The following TEX9 variants were observed in gnomAD, a reference collection of about 807,000 sequenced individuals.
TEX9 encodes the protein testis expressed 9, also known as testis-expressed protein 9.
TEX9 carries 74 observed loss-of-function variants against 59.6 expected under a neutral mutation model. The ratio of observed to expected loss-of-function variants is 1.24; its 90% confidence interval spans 1.03 to 1.51. The LOEUF (loss-of-function observed/expected upper bound fraction) is 1.51, where lower values mean the gene tolerates loss of function less well. Among genes scored for constraint, TEX9 ranks in the 40% most tolerant of loss-of-function variants. The pLI is 0.00. For synonymous variants in TEX9, 186 were observed against 152.2 expected (o/e 1.22, Z -1.64); for missense variants, 522 against 447.8 (o/e 1.17, Z -1.49).
At chr15:56,414,988 C>G (rs2140171216) in intron 10 of TEX9, among the ~76,000 whole-genome samples, 1 of 151,498 alleles carries the variant, frequency 6.6e-6, no homozygotes, top group South Asian at 2.1e-4. Flanking sequence ...CTCTGATGAT[C>G]AGTGATATTG....
intron 7 of TEX9, among the ~76,000 whole-genome samples, chr15:56,393,285 G>A (rs2048303323): frequency 1.3e-5 from 2 of 152,160 alleles, no homozygotes; most frequent in Non-Finnish European, 2.9e-5. Flanking sequence ...TAGGAGAGTT[G>A]AGGCCAAAGA....
chr15:56,454,389 A>C, the TEX9 span, among the ~76,000 whole-genome samples: 5 of 151,876 alleles, frequency 3.3e-5, no homozygotes, highest in African/African-American at 4.8e-5. Context: ...TTAAATGTCC[A>C]GTGAAATTAT....
intron 1 of TEX9, among the ~76,000 whole-genome samples, chr15:56,254,034 G>C (rs1319685164): frequency 2.0e-5 from 3 of 152,118 alleles, no homozygotes; most frequent in Non-Finnish European, 2.9e-5. Flanking sequence ...TGTTTTGAAA[G>C]AGTTAATTCA....
chr15:56,293,852 T>C (rs2045156056), intron 1 of TEX9, among the ~76,000 whole-genome samples: 1 of 152,234 alleles, frequency 6.6e-6, no homozygotes, highest in Non-Finnish European at 1.5e-5. Context: ...CACATTTGGA[T>C]CCCTCCTGGA....
intron 10 of TEX9, among the ~76,000 whole-genome samples, chr15:56,422,404 T>C (rs887128156): frequency 5.3e-5 from 8 of 151,824 alleles, no homozygotes; most frequent in Admixed American, 2.0e-4. Context: ...TATGTTTTCT[T>C]TCCCTTCTTT....
the TEX9 span, among the ~76,000 whole-genome samples, chr15:56,460,009 A>AAAAAAAAAAAAAAATATATATATATATAT: frequency 3.0e-4 from 8 of 26,384 alleles, 1 homozygote; most frequent in Admixed American, 5.6e-4. Context: ...AAAAAAAAAA[A>AAAAAAAAAAAAAAATATATATATATATAT]ATACATATAT....
chr15:56,399,528 C>T (rs538510381), intron 9 of TEX9, among the ~76,000 whole-genome samples: 10 of 152,354 alleles, frequency 6.6e-5, no homozygotes, highest in Admixed American at 1.3e-4. Context: ...CCTCTGTAGG[C>T]AGGGCGTAGC....
chr15:56,365,288 G>A, upstream of TEX9: 5 of 891,072 alleles, frequency 5.6e-6, no homozygotes, highest in Middle Eastern at 3.5e-4. Flanking sequence ...AGCGCCGAGT[G>A]CTGCGAGCAA....
chr15:56,391,909 G>A (rs1217566337), intron 7 of TEX9, among the ~76,000 whole-genome samples: 2 of 152,042 alleles, frequency 1.3e-5, no homozygotes, highest in African/African-American at 4.8e-5. Flanking sequence ...GTGTTCTAAT[G>A]AATATAATTT....
intron 1 of TEX9, among the ~76,000 whole-genome samples, chr15:56,253,350 C>A (rs1441956019): frequency 6.6e-6 from 1 of 152,130 alleles, no homozygotes; most frequent in Non-Finnish European, 1.5e-5. Flanking sequence ...TCAGAGAGTC[C>A]TGGGAGTGTA....
At chr15:56,460,009 A>AAAAATAT in the TEX9 span, among the ~76,000 whole-genome samples, 15 of 26,388 alleles carry the variant, frequency 5.7e-4, 4 homozygotes, top group Non-Finnish European at 9.1e-4. Context: ...AAAAAAAAAA[A>AAAAATAT]ATACATATAT....
Position 56,266,671 on chromosome 15 carries a change from GT to G in TEX9, c.-107+22395del, listed in dbSNP as rs1456809991. Reference sequence around the variant, plus strand: ...GGACATGAAGTCATCCTTTTTTATGGTTGCATAGTATTCCATGGTGTATGTG... The same window carrying G: ...GGACATGAAGTCATCCTTTTTTATGGTGCATAGTATTCCATGGTGTATGTG... On this transcript the variant is annotated intron_variant, in intron 1 of 5. Coordinates refer to the TEX9 transcript ENST00000560827. Among the ~76,000 whole-genome samples the G allele has an allele frequency of 2.6e-4, 40 of 152,138 alleles. No individual in the cohort carries two copies. The South Asian group carries it at 8.3e-3, about 32-fold the overall frequency.
intron 1 of TEX9, among the ~76,000 whole-genome samples, chr15:56,350,206 C>T (rs745886915): frequency 3.3e-5 from 5 of 152,092 alleles, no homozygotes; most frequent in African/African-American, 4.8e-5. Context: ...TATTTTGTTG[C>T]TAAATATTAT....
intron 9 of TEX9, among the ~76,000 whole-genome samples, chr15:56,401,184 C>T (rs1398562049): frequency 5.3e-5 from 8 of 151,678 alleles, no homozygotes; most frequent in African/African-American, 1.9e-4. Context: ...GACACAGACT[C>T]GCAAATTGGA....
rs142266427 is a variant in TEX9, at chr15:56,423,080, G to A, written c.964-4525G>A. 2.6e-3 allele frequency among the ~76,000 whole-genome samples: 394 copies of A among 152,118 alleles called. 3 individuals carry two copies. The highest frequency in any genetic ancestry group is 9.0e-3 in the African/African-American group (375 of 41,504). On this transcript the variant is annotated intron_variant, in intron 10 of 12. Coordinates refer to ENST00000352903, the Ensembl canonical transcript of TEX9. ...AGTTGAGCTGCTTCCCAACCTTTTGGCTAGTATGAGTTGCACTGCTTTGAA... is the reference window on the plus strand; with the variant it reads ...AGTTGAGCTGCTTCCCAACCTTTTGACTAGTATGAGTTGCACTGCTTTGAA...
intron 10 of TEX9, among the ~76,000 whole-genome samples, chr15:56,413,265 T>A (rs2049486436): frequency 8.8e-6 from 1 of 114,110 alleles, no homozygotes; most frequent in African/African-American, 3.3e-5. Context: ...TTTAATTAAA[T>A]AATTTAATAA....
chr15:56,343,470 A>AG (rs2046410184), intron 1 of TEX9, among the ~76,000 whole-genome samples: 1 of 152,148 alleles, frequency 6.6e-6, no homozygotes, highest in Non-Finnish European at 1.5e-5. Flanking sequence ...TTTTGGAAAA[A>AG]TTAATGAAAT....
intron 1 of TEX9, among the ~76,000 whole-genome samples, chr15:56,289,260 T>C (rs1440803200): frequency 2.6e-5 from 4 of 152,212 alleles, no homozygotes; most frequent in African/African-American, 7.2e-5. Flanking sequence ...GGGAGATTGT[T>C]GTGTGCTTTT....
intron 1 of TEX9, among the ~76,000 whole-genome samples, chr15:56,345,211 A>T (rs1346723923): frequency 4.6e-5 from 7 of 151,848 alleles, no homozygotes; most frequent in African/African-American, 1.7e-4. Flanking sequence ...ATGAATAGAA[A>T]TTGGGGGTGG....
Sources: allele counts gnomAD v4.1 joint callset (sites outside exome capture counted in the v4.1 genomes callset), GRCh38; gene constraint gnomAD v4.1.1; transcripts MANE v1.5; gene names NCBI Gene and HGNC (gene_info 2026-07-23, HGNC 2026-07-21).